EXOC6B: variants seen among roughly 807,000 people sequenced by gnomAD.
The protein encoded by EXOC6B is SEC15 homolog B.
A neutral mutation model predicts 113.5 loss-of-function variants in EXOC6B; 54 were observed. The ratio of observed to expected loss-of-function variants is 0.48; its 90% CI spans 0.38 to 0.60. The LOEUF is 0.60. Among genes scored for constraint, EXOC6B ranks in the 20% least tolerant of loss-of-function variants. The pLI is 0.00. For missense variants in EXOC6B, 797 were observed against 977.5 expected (o/e 0.82, Z 2.46); for synonymous variants, 357 against 339.0 (o/e 1.05, Z -0.58).
intron 7 of EXOC6B, among the ~76,000 whole-genome samples, chr2:72,567,802 T>A (rs550338659): frequency 6.6e-6 from 1 of 152,022 alleles, no homozygotes; most frequent in Admixed American, 6.6e-5. Flanking sequence ...AAAATGATTA[T>A]CCATGTGCCC....
intron 7 of EXOC6B, among the ~76,000 whole-genome samples, chr2:72,563,324 G>A (rs1324319692): frequency 6.6e-6 from 1 of 151,882 alleles, no homozygotes; most frequent in Non-Finnish European, 1.5e-5. Flanking sequence ...TCCACGTTTG[G>A]TATCCACTAG....
chr2:72,663,734 A>T (rs1675185326), intron 6 of EXOC6B, among the ~76,000 whole-genome samples: 1 of 152,130 alleles, frequency 6.6e-6, no homozygotes, highest in African/African-American at 2.4e-5. Context: ...AATACATAGG[A>T]CTTTTAGGGC....
intron 20 of EXOC6B, among the ~76,000 whole-genome samples, chr2:72,303,918 A>G (rs1686681764): frequency 2.0e-5 from 3 of 152,180 alleles, no homozygotes; most frequent in Admixed American, 2.0e-4. Flanking sequence ...AGTGAGGAGA[A>G]GTGAGGACCA....
At chr2:72,288,968 C>T in intron 20 of EXOC6B, 1 of 235,030 alleles carries the variant, frequency 4.3e-6, no homozygotes, top group South Asian at 6.5e-5. Context: ...CCCAGATTTG[C>T]TGTGCAACTC....
At chr2:72,208,162 T>A (rs1679950282) in intron 20 of EXOC6B, among the ~76,000 whole-genome samples, 2 of 152,102 alleles carry the variant, frequency 1.3e-5, no homozygotes, top group South Asian at 2.1e-4. Flanking sequence ...ATGCTGAGGT[T>A]TGGGGTACAG....
chr2:72,653,281 T>G (rs1674328337), intron 6 of EXOC6B, among the ~76,000 whole-genome samples: 1 of 149,386 alleles, frequency 6.7e-6, no homozygotes, highest in Non-Finnish European at 1.5e-5. Context: ...TTGGAAATCA[T>G]CATTCTCAGT....
At chr2:72,763,551 T>C (rs909634431) in intron 1 of EXOC6B, among the ~76,000 whole-genome samples, 1 of 151,774 alleles carries the variant, frequency 6.6e-6, no homozygotes, top group Non-Finnish European at 1.5e-5. Flanking sequence ...GCCTCACAAG[T>C]AGCTGGGACT....
intron 1 of EXOC6B, among the ~76,000 whole-genome samples, chr2:72,805,573 T>C (rs1043758508): frequency 6.6e-6 from 1 of 152,196 alleles, no homozygotes; most frequent in East Asian, 1.9e-4. Context: ...TATGTATACA[T>C]TGTGAAATGA....
chr2:72,443,816 C>T (rs996158309), intron 18 of EXOC6B, among the ~76,000 whole-genome samples: 1 of 152,102 alleles, frequency 6.6e-6, no homozygotes, highest in Non-Finnish European at 1.5e-5. Flanking sequence ...CTACTGGGTC[C>T]CTCCCACGAC....
Position 72,514,601 on chromosome 2 carries a change from A to ATATAT in EXOC6B, c.1046+32_1046+33insATATA, listed in dbSNP as rs71884143. The stretch of plus-strand genomic sequence containing the variant: ...CAATAAATAAATAAATAAATAAATA[A>ATATAT]ATAAATATATATATATATATATATA... On this transcript the variant is annotated intron_variant, in intron 10 of 21. Transcript: ENST00000272427. The ATATAT allele has an allele frequency of 1.4e-3, 120 of 85,370 alleles. 1 individual carries two copies. The highest frequency in any genetic ancestry group is 6.9e-3 in the South Asian group (13 of 1,886). 5.3% of individuals were successfully genotyped at this position (85,370 alleles called of 1,614,324 possible). A position where few individuals can be genotyped will look rare whatever the true frequency, so the allele number is the denominator to read the frequency against.
intron 15 of EXOC6B, 65 bp from the exon 16 acceptor site, chr2:72,492,494 G>T: frequency 1.1e-6 from 1 of 920,858 alleles, no homozygotes; most frequent in Non-Finnish European, 1.8e-6. Context: ...AACAAACGGT[G>T]CCAGTGGTAT....
At chr2:72,355,533 T>C (rs948450678) in intron 19 of EXOC6B, among the ~76,000 whole-genome samples, 1 of 152,200 alleles carries the variant, frequency 6.6e-6, no homozygotes, top group Non-Finnish European at 1.5e-5. Flanking sequence ...TAAACCAAGT[T>C]ATAGTCTTCA....
intron 19 of EXOC6B, among the ~76,000 whole-genome samples, chr2:72,336,531 A>ACAG (rs1179927018): frequency 2.0e-5 from 3 of 152,354 alleles, no homozygotes; most frequent in East Asian, 3.9e-4. Context: ...TGTATTAACA[A>ACAG]TATACACAAT....
At chr2:72,606,860 C>T (rs375368183) in intron 6 of EXOC6B, among the ~76,000 whole-genome samples, 89 of 152,150 alleles carry the variant, frequency 5.8e-4, no homozygotes, top group African/African-American at 2.0e-3. Flanking sequence ...ATCTACCCAC[C>T]TCGGCCTCCC....
intron 20 of EXOC6B, among the ~76,000 whole-genome samples, chr2:72,334,176 A>G (rs1485806195): frequency 6.6e-6 from 1 of 151,956 alleles, no homozygotes. Context: ...GAGTGAAGAG[A>G]TGACAGAGCC....
chr2:72,498,191 T>C (rs984945233), intron 13 of EXOC6B, among the ~76,000 whole-genome samples: 4 of 152,172 alleles, frequency 2.6e-5, no homozygotes, highest in Admixed American at 2.6e-4. Flanking sequence ...CTGATATTTA[T>C]CGAAGGAAAC....
At chr2:72,808,625 A>T (rs1387054509) in intron 1 of EXOC6B, among the ~76,000 whole-genome samples, 3 of 152,078 alleles carry the variant, frequency 2.0e-5, no homozygotes, top group Non-Finnish European at 2.9e-5. Context: ...TAATTAATTA[A>T]TTTTTTAAAA....
intron 1 of EXOC6B, among the ~76,000 whole-genome samples, chr2:72,815,491 CAAA>C (rs77713111): frequency 3.2e-5 from 3 of 93,634 alleles, no homozygotes; most frequent in Admixed American, 1.2e-4. Flanking sequence ...GACCCTGTTT[CAAA>C]AAAAAAAAAA....
intron 20 of EXOC6B, among the ~76,000 whole-genome samples, chr2:72,214,739 A>C (rs1340083492): frequency 2.0e-5 from 3 of 152,186 alleles, no homozygotes. Context: ...CATTGATGGG[A>C]GATTCCCACC....
Sources: gnomAD v4.1 joint callset for allele counts (sites outside exome capture counted in the v4.1 genomes callset) on GRCh38, gnomAD v4.1.1 for gene constraint, MANE v1.5 for transcripts, NCBI Gene and HGNC (gene_info 2026-07-23, HGNC 2026-07-21) for gene names.